The following ANKFN1 variants were observed in gnomAD, a reference collection of about 807,000 sequenced individuals.
ANKFN1 encodes ankyrin repeat and fibronectin type-III domain-containing protein 1.
In ANKFN1, 74 loss-of-function variants were observed where a neutral mutation model predicts 108.7. The observed-to-expected ratio is 0.68, with a 90% CI of 0.56 to 0.83. ANKFN1 has a LOEUF of 0.83. Among genes scored for constraint, ANKFN1 ranks in the 40% least tolerant of loss-of-function variants. The pLI is 0.00. For synonymous variants in ANKFN1, 547 were observed against 516.2 expected (o/e 1.06, Z -0.81); for missense variants, 1,505 against 1,382.3 (o/e 1.09, Z -1.41).
chr17:56,317,661 G>A (rs1474278878), intron 3 of ANKFN1, among the ~76,000 whole-genome samples: 1 of 152,126 alleles, frequency 6.6e-6, no homozygotes, highest in Non-Finnish European at 1.5e-5. Flanking sequence ...TAAGGGTATC[G>A]GGTTTATCAC....
chr17:56,154,462 G>C (rs1397611026), intron 1 of ANKFN1, among the ~76,000 whole-genome samples: 2 of 152,062 alleles, frequency 1.3e-5, no homozygotes, highest in Non-Finnish European at 2.9e-5. Flanking sequence ...GCACCGTTCA[G>C]TTTTCCTTTC....
At chr17:56,265,191 T>C (rs890833520) in intron 3 of ANKFN1, among the ~76,000 whole-genome samples, 1 of 152,170 alleles carries the variant, frequency 6.6e-6, no homozygotes, top group Non-Finnish European at 1.5e-5. Context: ...TCCATTCTCA[T>C]ACTGCTCTAA....
At chr17:56,069,133 G>T (rs1488735250) in intron 4 of ANKFN1, among the ~76,000 whole-genome samples, 1 of 152,120 alleles carries the variant, frequency 6.6e-6, no homozygotes, top group East Asian at 1.9e-4. Flanking sequence ...GGCCAACCAT[G>T]AAAATGTTTG....
At chr17:56,087,773 G>A (rs9902226) in intron 4 of ANKFN1, among the ~76,000 whole-genome samples, 7,086 of 151,368 alleles carry the variant, frequency 0.047, 728 homozygotes, top group African/African-American at 0.16. Flanking sequence ...ACTTTATTAA[G>A]TGAGCCATGC....
chr17:56,064,683 G>A (rs1308783138), intron 4 of ANKFN1, among the ~76,000 whole-genome samples: 1 of 152,190 alleles, frequency 6.6e-6, no homozygotes, highest in Non-Finnish European at 1.5e-5. Flanking sequence ...TCCAAGTACT[G>A]GCTGCTGCCT....
chr17:56,469,652 T>C (rs1274547081), intron 15 of ANKFN1, among the ~76,000 whole-genome samples: 1 of 152,036 alleles, frequency 6.6e-6, no homozygotes, highest in African/African-American at 2.4e-5. Context: ...CAGTTCCTCC[T>C]CTGCAAAAAA....
At chr17:56,385,776 A>G (rs2047245903) in intron 8 of ANKFN1, among the ~76,000 whole-genome samples, 1 of 152,186 alleles carries the variant, frequency 6.6e-6, no homozygotes, top group South Asian at 2.1e-4. Flanking sequence ...ATGAGATACC[A>G]TCTCACACCA....
At chr17:56,345,633 C>G (rs1038705044) in intron 4 of ANKFN1, among the ~76,000 whole-genome samples, 5 of 152,302 alleles carry the variant, frequency 3.3e-5, no homozygotes, top group African/African-American at 9.6e-5. Flanking sequence ...TTGCATTTCT[C>G]TAATGACCAG....
At chr17:56,053,978 T>G (rs545189359) in intron 4 of ANKFN1, among the ~76,000 whole-genome samples, 37 of 152,316 alleles carry the variant, frequency 2.4e-4, no homozygotes, top group Non-Finnish European at 4.7e-4. Flanking sequence ...GTACCTAATG[T>G]GTAGTTTTTT....
rs962643193 is a variant in ANKFN1 at position 56,199,922 on chromosome 17, C to T, written c.-70-12676C>T. On this transcript the variant is annotated intron_variant, in intron 1 of 20. Coordinates refer to ENST00000682825, the MANE Select transcript of ANKFN1 (RefSeq NM_001370326.1). ...TCCAGTTCCTAAGCCAAGTTCACAT[C>T]TGGGATCACACATCTCTATGCACAT... Among the ~76,000 whole-genome samples the T allele has an allele frequency of 2.0e-5, 3 of 152,304 alleles. No homozygotes were observed. In the East Asian group the frequency reaches 5.8e-4, roughly 29 times the overall value.
chr17:56,245,104 T>G (rs1486943826), intron 3 of ANKFN1, among the ~76,000 whole-genome samples: 1 of 152,160 alleles, frequency 6.6e-6, no homozygotes, highest in Non-Finnish European at 1.5e-5. Context: ...TTCAGTAGTC[T>G]ATTTCTGTAA....
intron 4 of ANKFN1, among the ~76,000 whole-genome samples, chr17:56,122,148 G>A (rs1245597049): frequency 6.6e-6 from 1 of 152,146 alleles, no homozygotes; most frequent in Non-Finnish European, 1.5e-5. Flanking sequence ...GACTTGGACA[G>A]CTTTCAGAAA....
intron 20 of ANKFN1, among the ~76,000 whole-genome samples, chr17:56,499,784 A>G (rs1420876535): frequency 2.0e-5 from 3 of 152,182 alleles, no homozygotes; most frequent in East Asian, 1.9e-4. Flanking sequence ...AAATACCTCT[A>G]TGCTTATAAG....
chr17:56,319,057 A>C (rs1371509899), intron 3 of ANKFN1, among the ~76,000 whole-genome samples: 1 of 152,232 alleles, frequency 6.6e-6, no homozygotes, highest in African/African-American at 2.4e-5. Context: ...TTTACAAAAA[A>C]AATGAGGAGG....
chr17:56,508,358 ATTAAATGCTGTT>A lies in ANKFN1; in HGVS notation c.2645-2112_2645-2101del, dbSNP rs910415180. Among the ~76,000 whole-genome samples the A allele has an allele frequency of 2.8e-4, 43 of 152,330 alleles. 1 individual carries two copies. Among genetic ancestry groups the A allele is most frequent in the South Asian group, 2.1e-3 (10 of 4,830 alleles). On this transcript the variant is annotated intron_variant, in intron 20 of 20. Transcript: ENST00000682825. ...CTGGTTCCACCCTACCTTTTTAAAAATTAAATGCTGTTTTTAAAAATATGTTTTTTGAAATAA... is the reference window on the plus strand; with the variant it reads ...CTGGTTCCACCCTACCTTTTTAAAAATTTAAAAATATGTTTTTTGAAATAA...
chr17:56,334,797 A>G (rs2045761269), intron 4 of ANKFN1, among the ~76,000 whole-genome samples: 1 of 152,094 alleles, frequency 6.6e-6, no homozygotes, highest in Non-Finnish European at 1.5e-5. Flanking sequence ...ACCATAAAGA[A>G]TGGAATAAAA....
intron 11 of ANKFN1, among the ~76,000 whole-genome samples, chr17:56,454,412 A>G (rs2049610946): frequency 6.6e-6 from 1 of 152,132 alleles, no homozygotes; most frequent in Non-Finnish European, 1.5e-5. Context: ...CTTTCCTCAG[A>G]ATAATCTTTC....
At position 56,456,686 on chromosome 17, in the gene ANKFN1, G is replaced by A. The variant is rs1309690096; in HGVS notation, c.1208-175G>A. Among the ~76,000 whole-genome samples the A allele has an allele frequency of 5.3e-5, 8 of 151,994 alleles. No homozygotes were observed. In the East Asian group the frequency reaches 7.8e-4, roughly 15 times the overall value. On this transcript the variant is annotated intron_variant, in intron 11 of 20. Coordinates refer to ENST00000682825, the MANE Select transcript of ANKFN1 (RefSeq NM_001370326.1). ...ACTGGGATTACCAGCGAGAGCCACC[G>A]TGCCCGGCTACAAGAGCTTCTTATA...
chr17:56,253,133 T>C (rs569242619), intron 3 of ANKFN1, among the ~76,000 whole-genome samples: 11 of 152,294 alleles, frequency 7.2e-5, no homozygotes, highest in African/African-American at 2.4e-4. Context: ...AAGCAATAGG[T>C]AGCTTTAGTA....
Sources: gnomAD v4.1 joint callset for allele counts (sites outside exome capture counted in the v4.1 genomes callset) on GRCh38, gnomAD v4.1.1 for gene constraint, MANE v1.5 for transcripts, NCBI Gene and HGNC (gene_info 2026-07-23, HGNC 2026-07-21) for gene names.